PLXDC1: variants seen among roughly 807,000 people sequenced by gnomAD.
The protein encoded by PLXDC1 is plexin domain-containing protein 1.
In PLXDC1, 39 loss-of-function variants were observed where a neutral mutation model predicts 61.3. The observed-to-expected ratio is 0.64, with a 90% CI of 0.49 to 0.83. The LOEUF is 0.83. Among genes scored for constraint, PLXDC1 ranks in the 40% least tolerant of loss-of-function variants. The probability of loss-of-function intolerance (pLI) is 0.00; values close to 1 mark genes in which losing one functional copy is unlikely to be tolerated. For missense variants in PLXDC1, 596 were observed against 666.5 expected, an observed-to-expected ratio of 0.89 and a Z score of 1.17; for synonymous variants, 212 against 254.5, an observed-to-expected ratio of 0.83 and a Z score of 1.59.
intron 2 of PLXDC1, among the ~76,000 whole-genome samples, chr17:39,115,633 G>A (rs1324688887): frequency 2.6e-5 from 4 of 152,210 alleles, no homozygotes; most frequent in Non-Finnish European, 5.9e-5. Flanking sequence ...GATCACTCCT[G>A]GGCAGAGCCA....
At chr17:39,119,798 G>C (rs934405538) in intron 2 of PLXDC1, among the ~76,000 whole-genome samples, 7 of 151,590 alleles carry the variant, frequency 4.6e-5, no homozygotes, top group African/African-American at 1.5e-4. Flanking sequence ...TGAGAAGAGA[G>C]AACTGAGAAA....
Position 39,070,052 on chromosome 17 carries a change from G to C in PLXDC1, c.1223-36C>G, listed in dbSNP as rs756600886. On this transcript the variant is annotated intron_variant, in intron 12 of 13. Transcript: ENST00000315392. ...ATCATTAGGGCAGACAGGGGCTGCA[G>C]GGGAGCAGGGAAGGTCGAACCATGG... 11 of 1,574,786 alleles carry C rather than the reference G, an allele frequency of 7.0e-6. No individual in the cohort carries two copies. The East Asian group carries it at 2.5e-4, about 36-fold the overall frequency.
chr17:39,106,844 G>A (rs982303507), intron 6 of PLXDC1, among the ~76,000 whole-genome samples: 5 of 151,686 alleles, frequency 3.3e-5, no homozygotes, highest in African/African-American at 1.2e-4. Flanking sequence ...TAGAGATGGG[G>A]TTTCATCATG....
intron 11 of PLXDC1, 166 bp from the exon 12 acceptor site, chr17:39,072,651 T>A (rs1172119454): frequency 3.1e-6 from 2 of 649,820 alleles, no homozygotes; most frequent in Non-Finnish European, 5.6e-6. Flanking sequence ...AGCAGTTGAG[T>A]GTAGCTGGAG....
At chr17:39,074,010 C>T (rs1909225787) in intron 11 of PLXDC1, among the ~76,000 whole-genome samples, 1 of 152,062 alleles carries the variant, frequency 6.6e-6, no homozygotes, top group African/African-American at 2.4e-5. Flanking sequence ...CAGGCAGGCC[C>T]CTCTGGCTGG....
At chr17:39,131,045 G>A (rs1911544056) in intron 2 of PLXDC1, among the ~76,000 whole-genome samples, 1 of 152,184 alleles carries the variant, frequency 6.6e-6, no homozygotes, top group Non-Finnish European at 1.5e-5. Context: ...CCGAAGCGGA[G>A]GGGAGACCAC....
chr17:39,147,546 T>G (rs975579726), intron 1 of PLXDC1, among the ~76,000 whole-genome samples: 13 of 152,000 alleles, frequency 8.6e-5, no homozygotes, highest in African/African-American at 3.1e-4. Context: ...ACAAAGCCCC[T>G]AACCATACCC....
chr17:39,128,097 G>GTGTATATATATATATATATATATATA (rs1911379292), intron 2 of PLXDC1, among the ~76,000 whole-genome samples: 19 of 67,496 alleles, frequency 2.8e-4, no homozygotes, highest in East Asian at 1.5e-3. Context: ...CTCTCTATGT[G>GTGTATATATATATATATATATATATA]TATATATATA....
intron 2 of PLXDC1, among the ~76,000 whole-genome samples, chr17:39,122,966 A>G (rs1911211431): frequency 6.6e-6 from 1 of 152,176 alleles, no homozygotes; most frequent in Admixed American, 6.5e-5. Context: ...TTGCTGTGCT[A>G]CTTCCTTTTC....
rs368105529 is a variant in PLXDC1 at position 39,078,689 on chromosome 17, G to A, written c.1050+415C>T. Among the ~76,000 whole-genome samples the A allele has an allele frequency of 5.3e-5, 8 of 152,302 alleles. No individual in the cohort carries two copies. In the East Asian group the frequency reaches 7.7e-4, roughly 15 times the overall value. On this transcript the variant is annotated intron_variant, in intron 10 of 13. Coordinates refer to ENST00000315392, the MANE Select transcript of PLXDC1 (RefSeq NM_020405.5). The stretch of plus-strand genomic sequence containing the variant: ...ATGGGATTCTAAAGAGGAGATGCCT[G>A]GAACCACCCTTCTCACTCCCAGAAT...
At chr17:39,075,195 G>A (rs1030387288) in intron 11 of PLXDC1, among the ~76,000 whole-genome samples, 1 of 152,190 alleles carries the variant, frequency 6.6e-6, no homozygotes, top group African/African-American at 2.4e-5. Flanking sequence ...CTGAGCTCAA[G>A]TGATCTGCCT....
chr17:39,102,202 C>T (rs1910444080), intron 7 of PLXDC1, among the ~76,000 whole-genome samples: 1 of 152,118 alleles, frequency 6.6e-6, no homozygotes, highest in South Asian at 2.1e-4. Context: ...AGGCACAGTG[C>T]CTGGTGCTCT....
At chr17:39,150,114 C>T (rs1037686003) in intron 1 of PLXDC1, among the ~76,000 whole-genome samples, 33 of 152,020 alleles carry the variant, frequency 2.2e-4, no homozygotes, top group Non-Finnish European at 5.9e-5. Flanking sequence ...AGTGAGATGG[C>T]GGGACTAGAA....
At chr17:39,129,729 A>AAAGAAAGAAAGAAAGAAAG (rs368912357) in intron 2 of PLXDC1, among the ~76,000 whole-genome samples, 5 of 39,320 alleles carry the variant, frequency 1.3e-4, no homozygotes, top group African/African-American at 5.0e-4. Context: ...AGAAAGAAAG[A>AAAGAAAGAAAGAAAGAAAG]AAAGAAAGAA....
At chr17:39,120,841 G>T (rs1351744662) in intron 2 of PLXDC1, among the ~76,000 whole-genome samples, 1 of 147,580 alleles carries the variant, frequency 6.8e-6, no homozygotes, top group Non-Finnish European at 1.5e-5. Context: ...TCGGCTCCCT[G>T]CAACCTCCCG....
rs779043576 is a variant in PLXDC1 at position 39,109,347 on chromosome 17, G to T, written c.300C>A (p.Ser100Arg). The change falls in exon 3 of 14, where the codon AGC (serine) becomes AGA (arginine). Residue 100 changes from serine to arginine, a missense_variant. By Grantham distance (110) the Ser-to-Arg change is moderately radical. Coordinates refer to ENST00000315392, the MANE Select transcript of PLXDC1 (RefSeq NM_020405.5). The part of the protein sequence containing the change: ...SYYVSRLYGP[S>R]EPHSRELWVD... ...CCCACAGTTCCCGGCTGTGGGGCTC[G>T]CTGGGGCCATAGAGACGGGACACAT... 2 of 1,607,946 alleles carry T rather than the reference G, an allele frequency of 1.2e-6. No homozygotes were observed. Among genetic ancestry groups the T allele is most frequent in the East Asian group, 2.2e-5 (1 of 44,694 alleles).
intron 2 of PLXDC1, among the ~76,000 whole-genome samples, chr17:39,125,486 A>G (rs537773916): frequency 6.6e-6 from 1 of 152,306 alleles, no homozygotes; most frequent in East Asian, 1.9e-4. Context: ...CCTGGCAATG[A>G]CCCAAATGTG....
chr17:39,118,327 C>T (rs1911058601), intron 2 of PLXDC1, among the ~76,000 whole-genome samples: 1 of 152,072 alleles, frequency 6.6e-6, no homozygotes, highest in Non-Finnish European at 1.5e-5. Context: ...CCTCACCCTC[C>T]AGAGTCTCTG....
chr17:39,084,796 C>T (rs1567756254), intron 8 of PLXDC1, among the ~76,000 whole-genome samples: 1 of 152,194 alleles, frequency 6.6e-6, no homozygotes, highest in African/African-American at 2.4e-5. Flanking sequence ...ACCCTTCTGG[C>T]ACAGGCCAGG....
Sources: allele counts gnomAD v4.1 joint callset (sites outside exome capture counted in the v4.1 genomes callset), GRCh38; gene constraint gnomAD v4.1.1; transcripts MANE v1.5; gene names NCBI Gene and HGNC (gene_info 2026-07-23, HGNC 2026-07-21).